The following EVL variants were observed in gnomAD, a reference collection of about 807,000 sequenced individuals.
EVL encodes ena/VASP-like protein.
A neutral mutation model predicts 59.6 loss-of-function variants in EVL; 21 were observed. That is an observed-to-expected ratio of 0.35 (90% CI 0.25 to 0.51). EVL has a LOEUF of 0.51. EVL is among the 20% of genes least tolerant of loss of function. The pLI is 0.97. For synonymous variants in EVL, 198 were observed against 203.5 expected (o/e 0.97, Z 0.23); for missense variants, 462 against 546.6 (o/e 0.85, Z 1.54).
At chr14:100,023,110 C>G (rs914892784) in intron 1 of EVL, among the ~76,000 whole-genome samples, 4 of 152,034 alleles carry the variant, frequency 2.6e-5, no homozygotes, top group African/African-American at 4.8e-5. Flanking sequence ...TTTTGTCTGC[C>G]ATTGCCTACA....
chr14:100,008,862 A>G (rs1247287252), intron 1 of EVL, among the ~76,000 whole-genome samples: 2 of 152,324 alleles, frequency 1.3e-5, no homozygotes, highest in Admixed American at 6.5e-5. Context: ...TGCAAGACTC[A>G]TGAGATGAAA....
At chr14:100,020,853 CATT>C (rs2061111320) in intron 1 of EVL, among the ~76,000 whole-genome samples, 1 of 152,196 alleles carries the variant, frequency 6.6e-6, no homozygotes, top group Admixed American at 6.5e-5. Context: ...TGTGTCTCTG[CATT>C]ATTTCTAATG....
rs74085117 is a variant in EVL, at chr14:100,126,067, C to G, written c.423-640C>G. 2.8e-3 allele frequency among the ~76,000 whole-genome samples: 427 copies of G among 152,292 alleles called. 4 individuals are homozygous for G. Among genetic ancestry groups the G allele is most frequent in the African/African-American group, 9.9e-3 (410 of 41,566 alleles). ...AGTGCCTCCCACTCCAGAACTCGAT[C>G]CCTGGATTCTGGAGATGTATCTGGG... On this transcript the variant is annotated intron_variant, in intron 4 of 13. Transcript: ENST00000392920.
At chr14:100,068,278 AG>A (rs1555419774) in intron 1 of EVL, among the ~76,000 whole-genome samples, 1 of 152,170 alleles carries the variant, frequency 6.6e-6, no homozygotes, top group Non-Finnish European at 1.5e-5. Context: ...GGTGGGTTCA[AG>A]GGTCAAGAAA....
chr14:100,137,445 A>G (rs1339799071), intron 9 of EVL, 133 bp from the exon 10 acceptor site: 9 of 942,666 alleles, frequency 9.5e-6, no homozygotes, highest in East Asian at 7.4e-5. Context: ...GCTTAACTCA[A>G]TCAGACCTTC....
At chr14:100,085,055 T>G in intron 2 of EVL, 200 bp downstream of exon 2, 2 of 541,268 alleles carry the variant, frequency 3.7e-6, no homozygotes, top group Non-Finnish European at 3.2e-6. Context: ...TGGATTTCAC[T>G]TTTTACCTAT....
intron 1 of EVL, among the ~76,000 whole-genome samples, chr14:99,989,652 C>T (rs967807544): frequency 1.3e-5 from 2 of 152,200 alleles, no homozygotes; most frequent in African/African-American, 2.4e-5. Context: ...TGTAGTGCCA[C>T]ATTTCAAGTG....
At chr14:100,121,421 C>T (rs185356343) in intron 3 of EVL, among the ~76,000 whole-genome samples, 46 of 152,306 alleles carry the variant, frequency 3.0e-4, no homozygotes, top group Non-Finnish European at 8.8e-5. Flanking sequence ...GGCCTTAGCT[C>T]CCACCCCTAA....
chr14:100,115,014 C>T (rs1301214119), intron 3 of EVL, among the ~76,000 whole-genome samples: 1 of 148,598 alleles, frequency 6.7e-6, no homozygotes. Flanking sequence ...GGTTAATAAG[C>T]CCAGCCATGG....
intron 3 of EVL, among the ~76,000 whole-genome samples, chr14:100,105,258 G>A (rs1479704197): frequency 2.0e-5 from 3 of 152,240 alleles, no homozygotes; most frequent in African/African-American, 4.8e-5. Context: ...CAAGTACAGA[G>A]GCGACACACC....
chr14:100,070,148 G>A (rs2062020003), intron 1 of EVL, among the ~76,000 whole-genome samples: 1 of 152,032 alleles, frequency 6.6e-6, no homozygotes, highest in South Asian at 2.1e-4. Context: ...GAAGCCTATA[G>A]TCCCAACTTC....
chr14:100,124,330 G>A (rs546508523), intron 4 of EVL, among the ~76,000 whole-genome samples: 12 of 152,262 alleles, frequency 7.9e-5, no homozygotes, highest in African/African-American at 2.4e-4. Flanking sequence ...CAGGAAAGCC[G>A]GCTTCTGCCC....
intron 9 of EVL, 26 bp downstream of exon 9, chr14:100,135,994 C>A: frequency 6.2e-6 from 10 of 1,612,798 alleles, no homozygotes; most frequent in Non-Finnish European, 8.5e-6. Flanking sequence ...CCGCTGACCC[C>A]AGTGAGGCAT....
rs2060740966 is a variant in EVL, at chr14:99,972,499, C to T, written c.5+442C>T. Among the ~76,000 whole-genome samples the T allele has an allele frequency of 6.6e-6, 1 of 152,152 alleles. No homozygotes were observed. Among genetic ancestry groups the T allele is most frequent in the African/African-American group, 2.4e-5 (1 of 41,448 alleles). On this transcript the variant is annotated intron_variant, in intron 1 of 13. Coordinates refer to the EVL transcript ENST00000402714. The surrounding 1 kb of genome is among the most constrained non-coding windows in gnomAD (Gnocchi z 4.4). ...CTGAAGCCCCCAGGCGTTGCCGAAG[C>T]CTCCCCCTGCCAGCGCCCAGAGCCG...
At position 100,006,227 on chromosome 14, in the gene EVL, T is replaced by C. The variant is rs79158116; in HGVS notation, c.5+34170T>C. On this transcript the variant is annotated intron_variant, in intron 1 of 13. Coordinates refer to the EVL transcript ENST00000402714. ...GCAAAACAAACGATGGCACAACTTA[T>C]ACAATTACTGAATGCTTTAATGGTA... Among the ~76,000 whole-genome samples, 443 of 149,666 alleles carry C rather than the reference T, an allele frequency of 3.0e-3. 4 individuals are homozygous for C. The highest frequency in any genetic ancestry group is 0.01 in the African/African-American group (415 of 40,986).
At chr14:100,141,034 C>G (rs2140409237) in intron 11 of EVL, 146 bp from the exon 12 acceptor site, 1 of 640,392 alleles carries the variant, frequency 1.6e-6, no homozygotes, top group South Asian at 2.0e-5. Context: ...CCTTCTCAGG[C>G]AGTCTGAGGT....
At chr14:100,027,526 A>G (rs1052732872) in intron 1 of EVL, among the ~76,000 whole-genome samples, 5 of 151,998 alleles carry the variant, frequency 3.3e-5, no homozygotes, top group Admixed American at 1.3e-4. Context: ...TGCCTGCCTC[A>G]TTTCACTTAA....
At chr14:100,060,971 CA>C (rs76129316), upstream of EVL, among the ~76,000 whole-genome samples, 254 of 88,380 alleles carry the variant, frequency 2.9e-3, no homozygotes, top group Middle Eastern at 8.2e-3. Flanking sequence ...TGCTGAAAGA[CA>C]AAAAAAAAAA....
intron 1 of EVL, among the ~76,000 whole-genome samples, chr14:100,083,235 G>C (rs180945119): frequency 2.0e-5 from 3 of 152,288 alleles, no homozygotes. Flanking sequence ...CTTGTCGACT[G>C]TCACAGTTAG....
Sources: allele counts gnomAD v4.1 joint callset (sites outside exome capture counted in the v4.1 genomes callset), GRCh38; gene constraint gnomAD v4.1.1; non-coding constraint Gnocchi (gnomAD v3.1); transcripts MANE v1.5; gene names NCBI Gene and HGNC (gene_info 2026-07-23, HGNC 2026-07-21).